OR1D2: variants seen among roughly 807,000 people sequenced by gnomAD.
The protein encoded by OR1D2 is olfactory receptor 1D2.
For synonymous variants in OR1D2, 157 were observed against 153.9 expected (o/e 1.02, Z -0.15); for missense variants, 357 against 376.1 (o/e 0.95, Z 0.42).
chr17:3,102,839 T>C (rs1597256531), intron 1 of OR1D2, among the ~76,000 whole-genome samples: 1 of 152,202 alleles, frequency 6.6e-6, no homozygotes, highest in East Asian at 1.9e-4. Flanking sequence ...CCAACTTGTA[T>C]TTCCCACCCC....
rs553592073 is a variant in OR1D2, at chr17:3,088,792, C to G, written c.*3266G>C. ...GGCCCAGGGCGTGGTGACAGGCTGT[C>G]TGCCTTTAGATTTCATTTCTGCCTT... On this transcript the variant is annotated 3_prime_UTR_variant, in exon 2 of 2. Transcript: ENST00000641833. The G allele has an allele frequency of 2.6e-5, 4 of 152,282 alleles. No individual in the cohort carries two copies. Among genetic ancestry groups the G allele is most frequent in the African/African-American group, 9.6e-5 (4 of 41,554 alleles). 9.4% of individuals were successfully genotyped at this position (152,282 alleles called of 1,614,324 possible). A position where few individuals can be genotyped will look rare whatever the true frequency, so the allele number is the denominator to read the frequency against.
intron 1 of OR1D2, among the ~76,000 whole-genome samples, chr17:3,100,786 G>A (rs765852805): frequency 5.9e-5 from 9 of 151,908 alleles, no homozygotes; most frequent in Non-Finnish European, 1.3e-4. Flanking sequence ...CTAGACTAAC[G>A]AAGAAGAAAA....
At chr17:3,100,938 C>T (rs1426228611) in intron 1 of OR1D2, among the ~76,000 whole-genome samples, 2 of 152,122 alleles carry the variant, frequency 1.3e-5, no homozygotes, top group African/African-American at 2.4e-5. Context: ...TGAATAAACT[C>T]CTGGACATAT....
chr17:3,092,593 G>C lies in OR1D2; in HGVS notation c.404C>G (p.Ala135Gly), dbSNP rs750518558. 2 of 1,614,028 alleles carry C rather than the reference G, an allele frequency of 1.2e-6. No individual in the cohort carries two copies. The highest frequency in any genetic ancestry group is 2.7e-5 in the African/African-American group (2 of 74,884). ...TAAGATACAGAGCTTAGGGCTCATGGCTGTGGTGTAGTGGAGGGGGCAGCA... is the reference window on the plus strand; with the variant it reads ...TAAGATACAGAGCTTAGGGCTCATGCCTGTGGTGTAGTGGAGGGGGCAGCA... Reference protein sequence around the residue: ...AICCPLHYTTAMSPKLCILLL... With the variant: ...AICCPLHYTTGMSPKLCILLL... Residue 135 changes from alanine to glycine, a missense_variant, in exon 2 of 2, where the codon GCC becomes GGC. Physicochemically the swap from Ala to Gly is moderately conservative, Grantham distance 60. Coordinates refer to ENST00000641833, the MANE Select transcript of OR1D2 (RefSeq NM_002548.3).
intron 1 of OR1D2, among the ~76,000 whole-genome samples, chr17:3,103,865 C>T (rs574199733): frequency 1.9e-4 from 29 of 150,966 alleles, no homozygotes; most frequent in Admixed American, 5.3e-4. Context: ...TAGTCATTCT[C>T]ACAGGCTGTG....
In OR1D2 at chr17:3,092,610, G is replaced by T. The variant is rs1213249619; in HGVS notation, c.387C>A (p.Pro129=). The stretch of plus-strand genomic sequence containing the variant: ...GGCTCATGGCTGTGGTGTAGTGGAG[G>T]GGGCAGCAGATGGCCACATAGCGGT... ...AYDRYVAICC[P]LHYTTAMSPK... The change falls in exon 2 of 2, where the codon CCC becomes CCA. Residue 129 remains proline (P), a synonymous_variant. Coordinates refer to ENST00000641833, the MANE Select transcript of OR1D2 (RefSeq NM_002548.3). The T allele has an allele frequency of 1.2e-6, 2 of 1,614,090 alleles. No individual in the cohort carries two copies. The highest frequency in any genetic ancestry group is 1.7e-6 in the Non-Finnish European group (2 of 1,180,030).
In OR1D2 at chr17:3,092,149, A is replaced by T. The variant is rs2047813706; in HGVS notation, c.848T>A (p.Met283Lys). 3.7e-6 allele frequency: 6 copies of T among 1,614,154 alleles called. No homozygotes were observed. The highest frequency in any genetic ancestry group is 5.1e-6 in the Non-Finnish European group (6 of 1,179,986). The change falls in exon 2 of 2, where the codon ATG becomes AAG. Residue 283 changes from methionine to lysine, a missense_variant. Met to Lys is a moderately conservative substitution (Grantham distance 95). Coordinates refer to ENST00000641833, the MANE Select transcript of OR1D2 (RefSeq NM_002548.3). ...ATVMYAVVTPMMNPFIYSLRN... is the reference protein window; with the variant it reads ...ATVMYAVVTPKMNPFIYSLRN... ...CAGGCTGTAGATGAAGGGATTCATC[A>T]TGGGTGTCACCACAGCATACATCAC...
At chr17:3,098,348 T>G (rs1025412774) in intron 1 of OR1D2, among the ~76,000 whole-genome samples, 2 of 152,088 alleles carry the variant, frequency 1.3e-5, no homozygotes, top group Non-Finnish European at 2.9e-5. Flanking sequence ...CTCCACCTCC[T>G]TGAGTGATAC....
At chr17:3,100,814 G>A (rs1467807077) in intron 1 of OR1D2, among the ~76,000 whole-genome samples, 1 of 151,974 alleles carries the variant, frequency 6.6e-6, no homozygotes, top group Non-Finnish European at 1.5e-5. Context: ...GAACCAAATA[G>A]ACACAATAAA....
In OR1D2 at chr17:3,104,351, C is replaced by T. The variant is rs1384106069; in HGVS notation, c.-303G>A. The stretch of plus-strand genomic sequence containing the variant: ...CAATGAGATTTGTGGGATATGAGAA[C>T]TGAGTCTTGGATCCTAGATTCATGA... On this transcript the variant is annotated 5_prime_UTR_variant, in exon 1 of 2. Transcript: ENST00000641833. The T allele has an allele frequency of 6.6e-6, 1 of 152,132 alleles. No homozygotes were observed. Among genetic ancestry groups the T allele is most frequent in the Non-Finnish European group, 1.5e-5 (1 of 68,020 alleles). 9.4% of individuals were successfully genotyped at this position (152,132 alleles called of 1,614,324 possible). A position where few individuals can be genotyped will look rare whatever the true frequency, so the allele number is the denominator to read the frequency against.
At chr17:3,103,111 A>G (rs778884644) in intron 1 of OR1D2, among the ~76,000 whole-genome samples, 3 of 152,178 alleles carry the variant, frequency 2.0e-5, no homozygotes, top group Admixed American at 2.0e-4. Flanking sequence ...CTTACCATTC[A>G]GAGCTCTATG....
chr17:3,094,925 G>GA (rs1186686201), intron 1 of OR1D2, among the ~76,000 whole-genome samples: 1 of 151,820 alleles, frequency 6.6e-6, no homozygotes, highest in Non-Finnish European at 1.5e-5. Context: ...TGAACTAGCA[G>GA]AAAAAATAGC....
chr17:3,092,472 G>C lies in OR1D2; in HGVS notation c.525C>G (p.His175Gln), dbSNP rs765876709. 6.2e-7 allele frequency: 1 copy of C among 1,614,218 alleles called. No individual in the cohort carries two copies. Among genetic ancestry groups the C allele is most frequent in the South Asian group, 1.1e-5 (1 of 91,082 alleles). The change falls in exon 2 of 2, where the codon CAC (histidine) becomes CAG (glutamine). Residue 175 changes from histidine (H) to glutamine (Q), a missense_variant. Transcript: ENST00000641833. ...ATACATACATCTCACAGAAGATGTAGTGGATTTTTCGTGACCCACAGAAGG... is the reference window on the plus strand; with the variant it reads ...ATACATACATCTCACAGAAGATGTACTGGATTTTTCGTGACCCACAGAAGG... ...RVTFCGSRKI[H>Q]YIFCEMYVLL...
chr17:3,102,154 A>G (rs73976789), intron 1 of OR1D2, among the ~76,000 whole-genome samples: 1,721 of 152,298 alleles, frequency 0.011, 35 homozygotes, highest in African/African-American at 0.039. Flanking sequence ...TGCAAATTCA[A>G]TCTGAAACAT....
intron 1 of OR1D2, among the ~76,000 whole-genome samples, chr17:3,100,534 A>G (rs1170025557): frequency 6.6e-6 from 1 of 152,220 alleles, no homozygotes; most frequent in East Asian, 1.9e-4. Flanking sequence ...CAGTGTTAAG[A>G]GGGAAATTTA....
chr17:3,097,363 A>G (rs2047851047), intron 1 of OR1D2, among the ~76,000 whole-genome samples: 1 of 152,230 alleles, frequency 6.6e-6, no homozygotes, highest in Non-Finnish European at 1.5e-5. Context: ...AAGACAAGAG[A>G]AAGAAATAAA....
rs1480417652 is a variant in OR1D2 at position 3,104,146 on chromosome 17, C to T, written c.-98G>A. The T allele has an allele frequency of 6.6e-6, 1 of 152,238 alleles. No homozygotes were observed. Among genetic ancestry groups the T allele is most frequent in the Non-Finnish European group, 1.5e-5 (1 of 68,080 alleles). 9.4% of individuals were successfully genotyped at this position (152,238 alleles called of 1,614,324 possible). On this transcript the variant is annotated 5_prime_UTR_variant, in exon 1 of 2. Transcript: ENST00000641833. ...TCTCAGAGTTCACTGGTTCAGCTTC[C>T]TCCACGTTCCTGTTCTACAGGATGA...
At chr17:3,103,057 A>T (rs1175002101) in intron 1 of OR1D2, among the ~76,000 whole-genome samples, 3 of 152,104 alleles carry the variant, frequency 2.0e-5, no homozygotes, top group Admixed American at 2.0e-4. Context: ...ACACGGTATT[A>T]CAGGCTTCCC....
chr17:3,098,003 A>G (rs942569817), intron 1 of OR1D2, among the ~76,000 whole-genome samples: 2 of 152,170 alleles, frequency 1.3e-5, no homozygotes, highest in Non-Finnish European at 2.9e-5. Context: ...CCAGGGGCTC[A>G]GGGACAGTAC....
Sources: gnomAD v4.1 joint callset for allele counts (sites outside exome capture counted in the v4.1 genomes callset) on GRCh38, gnomAD v4.1.1 for gene constraint, MANE v1.5 for transcripts, NCBI Gene and HGNC (gene_info 2026-07-23, HGNC 2026-07-21) for gene names.